SNTG1: variants seen among roughly 807,000 people sequenced by gnomAD.
SNTG1 encodes gamma-1-syntrophin.
Under a neutral mutation model 74.7 loss-of-function variants are expected in SNTG1, and 39 were observed. The observed-to-expected ratio is 0.52, with a 90% CI of 0.40 to 0.68. The LOEUF (loss-of-function observed/expected upper bound fraction) is 0.68. Ranked by LOEUF, SNTG1 falls within the 30% of genes least tolerant of loss-of-function variation. The probability of loss-of-function intolerance (pLI) is 0.00; values close to 1 mark genes in which losing one functional copy is unlikely to be tolerated. For synonymous variants in SNTG1, 254 were observed against 217.1 expected (o/e 1.17, Z -1.49); for missense variants, 685 against 609.5 (o/e 1.12, Z -1.30).
intron 17 of SNTG1, among the ~76,000 whole-genome samples, chr8:50,746,709 A>T (rs2095555812): frequency 6.6e-6 from 1 of 151,488 alleles, no homozygotes; most frequent in South Asian, 2.1e-4. Flanking sequence ...ACACCATACT[A>T]ATGTGAGATA....
intron 2 of SNTG1, among the ~76,000 whole-genome samples, chr8:50,324,407 T>C (rs28845183): frequency 0.065 from 9,954 of 152,298 alleles, 354 homozygotes; most frequent in African/African-American, 0.072. Flanking sequence ...ACTCTTTCCA[T>C]AATATAAAGT....
At chr8:50,378,389 G>A (rs1179421706) in intron 2 of SNTG1, among the ~76,000 whole-genome samples, 1 of 152,202 alleles carries the variant, frequency 6.6e-6, no homozygotes, top group Non-Finnish European at 1.5e-5. Context: ...AAGGGCCACA[G>A]CTCTTCCCTC....
At chr8:50,179,024 T>TAA (rs1190343794) in intron 2 of SNTG1, among the ~76,000 whole-genome samples, 1 of 152,198 alleles carries the variant, frequency 6.6e-6, no homozygotes, top group Non-Finnish European at 1.5e-5. Flanking sequence ...GTGTGTTGTA[T>TAA]AAGAGTCCAG....
At position 50,502,766 on chromosome 8, in the gene SNTG1, T is replaced by C; in HGVS notation, c.364-12T>C. 5 of 1,601,500 alleles carry C rather than the reference T, an allele frequency of 3.1e-6. No individual in the cohort carries two copies. In the South Asian group the frequency reaches 4.4e-5, roughly 14 times the overall value. ...GTAATGATGATTGTATTCTTTTTAT[T>C]CTTTTTTTCAGGTTCAGGTTCTTCG... On this transcript the variant is annotated splice_polypyrimidine_tract_variant and intron_variant, in intron 8 of 18. Transcript: ENST00000642720.
In SNTG1 at chr8:50,728,446, G is replaced by T. The variant is rs573096545; in HGVS notation, c.1284+19468G>T. The stretch of plus-strand genomic sequence containing the variant: ...TGTTGAGGCCTGGTGAACAGGAAAG[G>T]CAAACTCATACCAGAGTGTGTGTCT... On this transcript the variant is annotated intron_variant, in intron 17 of 18. Transcript: ENST00000642720. Among the ~76,000 whole-genome samples the T allele has an allele frequency of 2.6e-5, 4 of 152,258 alleles. No homozygotes were observed. In the East Asian group the frequency reaches 7.7e-4, roughly 29 times the overall value.
At chr8:50,500,898 C>A (rs1217605656) in intron 8 of SNTG1, among the ~76,000 whole-genome samples, 1 of 152,042 alleles carries the variant, frequency 6.6e-6, no homozygotes, top group Non-Finnish European at 1.5e-5. Context: ...TAATGGGGAC[C>A]TTGGAGCAGG....
At chr8:49,954,680 G>T (rs1005448083) in intron 1 of SNTG1, among the ~76,000 whole-genome samples, 4 of 152,090 alleles carry the variant, frequency 2.6e-5, no homozygotes, top group South Asian at 2.1e-4. Flanking sequence ...CTGAGCCAGA[G>T]ACTGATGACA....
chr8:50,791,288 T>C (rs28735381), intron 18 of SNTG1, among the ~76,000 whole-genome samples: 13,991 of 151,760 alleles, frequency 0.092, 1,892 homozygotes, highest in African/African-American at 0.3. Flanking sequence ...TATGATGGAG[T>C]TACTAAAAAC....
intron 2 of SNTG1, among the ~76,000 whole-genome samples, chr8:50,240,007 T>A (rs1049788333): frequency 6.6e-6 from 1 of 152,202 alleles, no homozygotes; most frequent in Non-Finnish European, 1.5e-5. Context: ...CTATAATCTT[T>A]TGACTGCTGC....
At chr8:50,263,511 A>G (rs938430386) in intron 2 of SNTG1, among the ~76,000 whole-genome samples, 2 of 152,178 alleles carry the variant, frequency 1.3e-5, no homozygotes, top group African/African-American at 4.8e-5. Context: ...AATTGAAACT[A>G]AAATGACAGA....
intron 12 of SNTG1, among the ~76,000 whole-genome samples, chr8:50,572,403 A>G (rs894501894): frequency 1.3e-5 from 2 of 152,110 alleles, no homozygotes; most frequent in African/African-American, 4.8e-5. Context: ...CTTCTGATTC[A>G]CAGTTGTATG....
intron 1 of SNTG1, among the ~76,000 whole-genome samples, chr8:50,046,525 C>G (rs1563518136): frequency 6.6e-6 from 1 of 152,114 alleles, no homozygotes; most frequent in Non-Finnish European, 1.5e-5. Context: ...TAATTCTACT[C>G]TTTTTTAAAT....
At position 50,749,711 on chromosome 8, in the gene SNTG1, T is replaced by C. The variant is rs141131282; in HGVS notation, c.1285-2290T>C. Among the ~76,000 whole-genome samples the C allele has an allele frequency of 6.5e-3, 994 of 152,086 alleles. 8 individuals are homozygous for C. The highest frequency in any genetic ancestry group is 0.034 in the Middle Eastern group (10 of 294). ...CCCTACCTGTACTCTAAATGGAATA[T>C]TAAATCCTGAGGAACATCTGTTTAC... On this transcript the variant is annotated intron_variant, in intron 17 of 18. Coordinates refer to ENST00000642720, the MANE Select transcript of SNTG1 (RefSeq NM_018967.5).
chr8:49,994,344 C>T (rs1476709661), intron 1 of SNTG1, among the ~76,000 whole-genome samples: 1 of 149,332 alleles, frequency 6.7e-6, no homozygotes, highest in Non-Finnish European at 1.5e-5. Flanking sequence ...CAACCTCTGC[C>T]TCTTGGATTC....
At chr8:50,377,389 G>A (rs2092406797) in intron 2 of SNTG1, among the ~76,000 whole-genome samples, 1 of 152,108 alleles carries the variant, frequency 6.6e-6, no homozygotes, top group Non-Finnish European at 1.5e-5. Flanking sequence ...TAGATTTGAA[G>A]GAGGAGAACA....
At chr8:50,589,178 T>C (rs1189181337) in intron 12 of SNTG1, among the ~76,000 whole-genome samples, 1 of 152,144 alleles carries the variant, frequency 6.6e-6, no homozygotes, top group East Asian at 1.9e-4. Flanking sequence ...TAATAAACCA[T>C]TCAAAGGATA....
intron 12 of SNTG1, among the ~76,000 whole-genome samples, chr8:50,584,435 CTGACTTTT>C (rs1485498790): frequency 1.3e-5 from 2 of 151,850 alleles, no homozygotes; most frequent in Admixed American, 6.6e-5. Flanking sequence ...CTACTGTTTC[CTGACTTTT>C]TGATGATTGC....
chr8:50,487,223 C>G (rs938716953), intron 8 of SNTG1, among the ~76,000 whole-genome samples: 1 of 152,174 alleles, frequency 6.6e-6, no homozygotes, highest in African/African-American at 2.4e-5. Flanking sequence ...AATAGGAACA[C>G]TTTTACACTG....
intron 18 of SNTG1, among the ~76,000 whole-genome samples, chr8:50,776,017 T>A (rs188067176): frequency 1.3e-5 from 2 of 151,614 alleles, no homozygotes; most frequent in African/African-American, 2.4e-5. Flanking sequence ...GTAGATAGCA[T>A]ATATTTGGGT....
Sources: gnomAD v4.1 joint callset for allele counts (sites outside exome capture counted in the v4.1 genomes callset) on GRCh38, gnomAD v4.1.1 for gene constraint, MANE v1.5 for transcripts, NCBI Gene and HGNC (gene_info 2026-07-23, HGNC 2026-07-21) for gene names.